The following ATP6V1H variants were observed in gnomAD, a reference collection of about 807,000 sequenced individuals.
The protein encoded by ATP6V1H is V-type proton ATPase subunit H.
In ATP6V1H, 39 loss-of-function variants were observed where a neutral mutation model predicts 71.7. The ratio of observed to expected loss-of-function variants is 0.54; its 90% CI spans 0.42 to 0.71. ATP6V1H has a LOEUF of 0.71. Ranked by LOEUF, ATP6V1H falls within the 30% of genes least tolerant of loss-of-function variation. ATP6V1H has a pLI of 0.00. For synonymous variants in ATP6V1H, 192 were observed against 199.3 expected, an observed-to-expected ratio of 0.96 and a Z score of 0.31; for missense variants, 509 against 594.9, an observed-to-expected ratio of 0.86 and a Z score of 1.50.
chr8:53,837,382 C>G (rs1034714827), intron 2 of ATP6V1H, among the ~76,000 whole-genome samples: 4 of 152,044 alleles, frequency 2.6e-5, no homozygotes, highest in African/African-American at 9.7e-5. Flanking sequence ...AAATAGGGAC[C>G]CCTCTTTTCA....
intron 11 of ATP6V1H, among the ~76,000 whole-genome samples, chr8:53,759,715 A>G (rs1447761724): frequency 6.6e-6 from 1 of 151,402 alleles, no homozygotes. Flanking sequence ...TTTCTCTCTC[A>G]GTTTTTGCTT....
At chr8:53,739,855 G>C (rs1429692691) in intron 13 of ATP6V1H, among the ~76,000 whole-genome samples, 4 of 152,230 alleles carry the variant, frequency 2.6e-5, no homozygotes, top group African/African-American at 9.6e-5. Context: ...GGACTGGCCT[G>C]CTCAGGCCTC....
chr8:53,777,642 C>T (rs191741130), intron 9 of ATP6V1H, among the ~76,000 whole-genome samples: 336 of 152,142 alleles, frequency 2.2e-3, no homozygotes, highest in African/African-American at 7.6e-3. Flanking sequence ...TGTAAAAGGG[C>T]GAAGAGTAAA....
At position 53,769,643 on chromosome 8, in the gene ATP6V1H, T is replaced by A; in HGVS notation, c.1150A>T (p.Asn384Tyr). 6.2e-7 allele frequency: 1 copy of A among 1,613,088 alleles called. No individual in the cohort carries two copies. Among genetic ancestry groups the A allele is most frequent in the East Asian group, 2.2e-5 (1 of 44,764 alleles). Residue 384 changes from asparagine (N) to tyrosine (Y), a missense_variant, in exon 11 of 14, where the codon AAT becomes TAT. Physicochemically the swap from Asn to Tyr is moderately radical, Grantham distance 143 (BLOSUM62 -2). Transcript: ENST00000359530. ...TTCAAGAGTTCATAATTCTTCTCAT[T>A]TAACCTCACAGCATTCTCTCTCCAA... ...KFWRENAVRL[N>Y]EKNYELLKIL...
intron 9 of ATP6V1H, among the ~76,000 whole-genome samples, chr8:53,785,267 T>C (rs1250057553): frequency 2.0e-5 from 3 of 152,206 alleles, no homozygotes; most frequent in Non-Finnish European, 2.9e-5. Flanking sequence ...AAACTTCTCT[T>C]ATCACTTCAT....
chr8:53,778,948 C>T (rs1808994918), intron 9 of ATP6V1H, among the ~76,000 whole-genome samples: 1 of 152,046 alleles, frequency 6.6e-6, no homozygotes, highest in Non-Finnish European at 1.5e-5. Context: ...AAGAGCATTA[C>T]CAGTGATAAA....
chr8:53,819,517 G>C (rs1482827257), intron 4 of ATP6V1H, among the ~76,000 whole-genome samples: 2 of 105,206 alleles, frequency 1.9e-5, no homozygotes, highest in Admixed American at 2.4e-4. Flanking sequence ...CAGTGAGAGA[G>C]CAAGAATCTA....
rs375638699 is a variant in ATP6V1H at position 53,811,133 on chromosome 8, G to A, written c.579+31C>T. 2.4e-5 allele frequency: 38 copies of A among 1,593,162 alleles called. No individual in the cohort carries two copies. In the African/African-American group the frequency reaches 4.4e-4, roughly 19 times the overall value. On this transcript the variant is annotated intron_variant, in intron 7 of 13. Coordinates refer to ENST00000359530, the MANE Select transcript of ATP6V1H (RefSeq NM_015941.4). ...ATGACTCAAAATAATTTATTTTGGG[G>A]ATGTTTAGGCCAGTGAAGGAATATA...
chr8:53,811,265 C>T (rs1810266204), intron 6 of ATP6V1H, 48 bp from the exon 7 acceptor site: 1 of 1,533,064 alleles, frequency 6.5e-7, no homozygotes, highest in Non-Finnish European at 9.0e-7. Flanking sequence ...TTGATTTTAT[C>T]CTAATGTATC....
intron 13 of ATP6V1H, among the ~76,000 whole-genome samples, chr8:53,725,011 A>AT (rs538857804): frequency 1.3e-5 from 2 of 152,000 alleles, no homozygotes; most frequent in Non-Finnish European, 2.9e-5. Flanking sequence ...TAGAACTAAT[A>AT]TTTTTTCCCA....
chr8:53,766,766 G>A (rs553412948), intron 11 of ATP6V1H, among the ~76,000 whole-genome samples: 2 of 152,246 alleles, frequency 1.3e-5, no homozygotes, highest in African/African-American at 4.8e-5. Flanking sequence ...TTAGGAAGAG[G>A]AAATTCCTGC....
At chr8:53,789,387 C>T (rs1809492953) in intron 9 of ATP6V1H, among the ~76,000 whole-genome samples, 1 of 152,010 alleles carries the variant, frequency 6.6e-6, no homozygotes, top group Non-Finnish European at 1.5e-5. Context: ...AAAATTAGTA[C>T]CTGGGCCAGG....
At chr8:53,820,989 AAAAAAAGAAAAAG>A (rs1406574761) in intron 4 of ATP6V1H, among the ~76,000 whole-genome samples, 1 of 151,532 alleles carries the variant, frequency 6.6e-6, no homozygotes, top group Non-Finnish European at 1.5e-5. Flanking sequence ...CTCAAAAAAA[AAAAAAAGAAAAAG>A]AAAAAAGAAA....
intron 12 of ATP6V1H, among the ~76,000 whole-genome samples, chr8:53,755,129 A>G (rs1238586334): frequency 6.6e-6 from 1 of 152,172 alleles, no homozygotes; most frequent in African/African-American, 2.4e-5. Flanking sequence ...CACTGGCAAC[A>G]GCTTGGGAGA....
rs1585823345 is a variant in ATP6V1H at position 53,819,397 on chromosome 8, C to T, written c.307-1867G>A. ...AAATGCAAAAATTAGCCGGGTGTGG[C>T]GGCATGTGCCTGTAGTCTCAGCTAC... is the stretch of plus-strand genomic sequence containing the variant. On this transcript the variant is annotated intron_variant, in intron 4 of 13. Coordinates refer to ENST00000359530, the MANE Select transcript of ATP6V1H (RefSeq NM_015941.4). Among the ~76,000 whole-genome samples, 5 of 149,608 alleles carry T rather than the reference C, an allele frequency of 3.3e-5. No homozygotes were observed. In the East Asian group the frequency reaches 6.0e-4, roughly 18 times the overall value.
intron 13 of ATP6V1H, among the ~76,000 whole-genome samples, chr8:53,733,593 CAGG>C (rs1807101862): frequency 6.6e-6 from 1 of 152,178 alleles, no homozygotes; most frequent in South Asian, 2.1e-4. Flanking sequence ...TACTATCCGA[CAGG>C]GGGAGCGCAG....
intron 12 of ATP6V1H, among the ~76,000 whole-genome samples, chr8:53,744,396 T>C (rs1807524261): frequency 2.0e-5 from 3 of 152,190 alleles, no homozygotes; most frequent in Non-Finnish European, 4.4e-5. Context: ...TCTTCATGCA[T>C]AGAAATTGGT....
chr8:53,841,713 T>A lies in ATP6V1H; in HGVS notation c.-23A>T. 1.2e-6 allele frequency: 2 copies of A among 1,608,692 alleles called. No individual in the cohort carries two copies. Among genetic ancestry groups the A allele is most frequent in the East Asian group, 4.5e-5 (2 of 44,802 alleles). ...CATCTAAACTTCGTAATCTTGAATG[T>A]CTTTCAACAAATCTTCAATTTTGAT... On this transcript the variant is annotated 5_prime_UTR_variant, in exon 2 of 14. Transcript: ENST00000359530.
chr8:53,737,863 AT>A lies in ATP6V1H; in HGVS notation c.1391+5713del, dbSNP rs1807276430. Reference sequence around the variant, plus strand: ...GTACCTTTCTTAAGACAATAGGCTGATACTCTTCCTCCTCTTTTTGGTCAAT... The same window carrying A: ...GTACCTTTCTTAAGACAATAGGCTGAACTCTTCCTCCTCTTTTTGGTCAAT... On this transcript the variant is annotated intron_variant, in intron 13 of 13. Transcript: ENST00000359530. 2.6e-5 allele frequency among the ~76,000 whole-genome samples: 4 copies of A among 152,320 alleles called. No individual in the cohort carries two copies. In the South Asian group the frequency reaches 8.3e-4, roughly 32 times the overall value.
Sources: allele counts gnomAD v4.1 joint callset (sites outside exome capture counted in the v4.1 genomes callset), GRCh38; gene constraint gnomAD v4.1.1; transcripts MANE v1.5; gene names NCBI Gene and HGNC (gene_info 2026-07-23, HGNC 2026-07-21).